DHX57: variants seen among roughly 807,000 people sequenced by gnomAD.
The protein encoded by DHX57 is DExH-box helicase 57, also known as putative ATP-dependent RNA helicase DHX57.
A neutral mutation model predicts 156.2 loss-of-function variants in DHX57; 105 were observed. The observed-to-expected ratio is 0.67, with a 90% CI of 0.57 to 0.79. DHX57 has a LOEUF of 0.79. Ranked by LOEUF, DHX57 falls within the 30% of genes least tolerant of loss-of-function variation. The pLI, the probability that DHX57 is intolerant of heterozygous loss-of-function variation, is 0.00. For synonymous variants in DHX57, 704 were observed against 595.6 expected (o/e 1.18, Z -2.65); for missense variants, 1,847 against 1,661.9 (o/e 1.11, Z -1.94).
rs1484965801 is a variant in DHX57 at position 38,813,900 on chromosome 2, G to A, written c.3607-5C>T. The stretch of plus-strand genomic sequence containing the variant: ...GTTCTCAGCATTTGAGTTTGCCTAT[G>A]AGAAAAGCACAGCATTAATTAACAA... On this transcript the variant is annotated splice_polypyrimidine_tract_variant and splice_region_variant and intron_variant, in intron 20 of 23. Coordinates refer to ENST00000457308, the MANE Select transcript of DHX57 (RefSeq NM_198963.3). The A allele has an allele frequency of 6.2e-7, 1 of 1,612,276 alleles. No homozygotes were observed. The highest frequency in any genetic ancestry group is 8.5e-7 in the Non-Finnish European group (1 of 1,178,866).
intron 12 of DHX57, among the ~76,000 whole-genome samples, chr2:38,842,006 C>A (rs1319666076): frequency 6.6e-6 from 1 of 152,132 alleles, no homozygotes; most frequent in Non-Finnish European, 1.5e-5. Context: ...GACTTATTAA[C>A]TACAAAAGAA....
chr2:38,855,226 T>G lies in DHX57; in HGVS notation c.1736A>C (p.Gln579Pro). The G allele has an allele frequency of 6.2e-7, 1 of 1,614,198 alleles. No homozygotes were observed. The highest frequency in any genetic ancestry group is 8.5e-7 in the Non-Finnish European group (1 of 1,180,026). Reference protein sequence around the residue: ...TGCGKTTQIPQFILDDSLNGP... With the variant: ...TGCGKTTQIPPFILDDSLNGP... ...ATTCAGAGAATCATCCAGAATAAAC[T>G]GCGGAATTTGTGTGGTTTTCCCACA... The change falls in exon 8 of 24, where the codon CAG becomes CCG. Residue 579 changes from glutamine to proline, a missense_variant. Coordinates refer to ENST00000457308, the MANE Select transcript of DHX57 (RefSeq NM_198963.3).
chr2:38,845,218 A>C (rs1358576194), intron 11 of DHX57, among the ~76,000 whole-genome samples: 8 of 151,934 alleles, frequency 5.3e-5, no homozygotes, highest in Non-Finnish European at 8.8e-5. Flanking sequence ...AACAAACAAA[A>C]AAAAACCCAT....
chr2:38,802,224 G>A (rs1363892867), intron 23 of DHX57, among the ~76,000 whole-genome samples: 1 of 151,442 alleles, frequency 6.6e-6, no homozygotes, highest in Non-Finnish European at 1.5e-5. Flanking sequence ...TCTTACTAGG[G>A]CTCCACTCCT....
intron 13 of DHX57, among the ~76,000 whole-genome samples, chr2:38,836,179 T>C (rs1383648035): frequency 1.3e-5 from 2 of 152,174 alleles, no homozygotes; most frequent in African/African-American, 4.8e-5. Flanking sequence ...TGGTACTATA[T>C]AGAAACATTT....
chr2:38,848,908 A>G (rs1672431753), intron 9 of DHX57, among the ~76,000 whole-genome samples: 1 of 152,222 alleles, frequency 6.6e-6, no homozygotes. Context: ...TTTTTGGATT[A>G]GGGATGCTCA....
intron 20 of DHX57, among the ~76,000 whole-genome samples, chr2:38,815,071 CT>C (rs370170763): frequency 0.023 from 3,254 of 144,184 alleles, 87 homozygotes; most frequent in African/African-American, 0.065. Flanking sequence ...TTTTTTTATA[CT>C]TTTTTTTTTT....
chr2:38,799,500 C>G lies in DHX57; in HGVS notation c.4018-1058G>C, dbSNP rs142670563. ...GGCCGGGTGGCTCACGCTTGTAATT[C>G]CAGCACTTTGGGAGACTGAGGTGGG... On this transcript the variant is annotated intron_variant, in intron 23 of 23. Coordinates refer to ENST00000457308, the MANE Select transcript of DHX57 (RefSeq NM_198963.3). 1.2e-4 allele frequency among the ~76,000 whole-genome samples: 17 copies of G among 147,244 alleles called. No individual in the cohort carries two copies. The East Asian group carries it at 3.4e-3, about 30-fold the overall frequency.
rs1469368018 is a variant in DHX57 at position 38,813,892 on chromosome 2, T to C, written c.3610A>G (p.Asn1204Asp). The C allele has an allele frequency of 6.2e-7, 1 of 1,612,986 alleles. No individual in the cohort carries two copies. Among genetic ancestry groups the C allele is most frequent in the Non-Finnish European group, 8.5e-7 (1 of 1,179,312 alleles). The change falls in exon 21 of 24, where the codon AAC becomes GAC. Residue 1204 changes from asparagine to aspartate, a missense_variant. Asn to Asp is a conservative substitution (Grantham distance 23). Transcript: ENST00000457308. ...GVLDATGEEA[N>D]SNAENPKLIS... is the part of the protein sequence containing the mutation. The stretch of plus-strand genomic sequence containing the variant: ...AGCTTGGGGTTCTCAGCATTTGAGT[T>C]TGCCTATGAGAAAAGCACAGCATTA...
chr2:38,845,647 A>T (rs578094544), intron 11 of DHX57, among the ~76,000 whole-genome samples: 9 of 152,304 alleles, frequency 5.9e-5, no homozygotes, highest in African/African-American at 2.2e-4. Context: ...GAGAGTTAAT[A>T]GTGAGAAGAA....
intron 8 of DHX57, chr2:38,854,798 G>A (rs1180774908): frequency 9.4e-6 from 3 of 318,744 alleles, no homozygotes; most frequent in African/African-American, 2.2e-5. Context: ...CCGACCTCAG[G>A]TGATCCACCT....
At chr2:38,811,887 C>G (rs921466581) in intron 21 of DHX57, among the ~76,000 whole-genome samples, 3 of 152,140 alleles carry the variant, frequency 2.0e-5, no homozygotes, top group Admixed American at 2.0e-4. Context: ...TTTGTTTCTA[C>G]ATTTTAAGTC....
rs199521315 is a variant in DHX57 at position 38,868,268 on chromosome 2, T to TCCACCA, written c.132_137dup (p.Gly48_Gly49dup). On this transcript the variant is annotated inframe_insertion, in exon 2 of 24. Coordinates refer to ENST00000457308, the MANE Select transcript of DHX57 (RefSeq NM_198963.3). ...TGGAGGCCTTTCTGTTGCCGCCACC[T>TCCACCA]CCACCACCACCACCACCGCCACCGC... 24 of 1,610,880 alleles carry TCCACCA rather than the reference T, an allele frequency of 1.5e-5. No homozygotes were observed. Among genetic ancestry groups the TCCACCA allele is most frequent in the South Asian group, 3.3e-5 (3 of 90,962 alleles).
chr2:38,850,448 G>C (rs1382554997), intron 9 of DHX57, among the ~76,000 whole-genome samples: 1 of 151,964 alleles, frequency 6.6e-6, no homozygotes, highest in Non-Finnish European at 1.5e-5. Flanking sequence ...TTATAGTAGA[G>C]ATGGTGTCTC....
At chr2:38,842,860 T>G (rs1672080891) in intron 12 of DHX57, 145 bp downstream of exon 12, 2 of 810,554 alleles carry the variant, frequency 2.5e-6, no homozygotes, top group South Asian at 3.8e-5. Flanking sequence ...TCTGAACTAT[T>G]TTTCTAGGTT....
intron 19 of DHX57, among the ~76,000 whole-genome samples, chr2:38,817,940 G>A (rs11888905): frequency 0.015 from 2,296 of 150,056 alleles, 66 homozygotes; most frequent in African/African-American, 0.053. Context: ...TCAAGCAATC[G>A]TCAGCCTCTC....
intron 16 of DHX57, 131 bp from the exon 17 acceptor site, chr2:38,823,400 T>C: frequency 2.1e-6 from 2 of 940,072 alleles, no homozygotes; most frequent in Non-Finnish European, 3.1e-6. Flanking sequence ...TGTTTTCTAC[T>C]TCTACCAATA....
At chr2:38,815,838 G>A (rs939577613) in intron 19 of DHX57, 183 bp from the exon 20 acceptor site, 27 of 684,450 alleles carry the variant, frequency 3.9e-5, no homozygotes, top group Non-Finnish European at 5.5e-5. Context: ...TTTCACTTAC[G>A]CAAACTGGCA....
intron 15 of DHX57, 95 bp downstream of exon 15, chr2:38,826,421 A>G: frequency 1.4e-6 from 2 of 1,392,704 alleles, no homozygotes; most frequent in South Asian, 2.7e-5. Context: ...TCATACAGTA[A>G]TCCGTGTAGC....
Sources: allele counts gnomAD v4.1 joint callset (sites outside exome capture counted in the v4.1 genomes callset), GRCh38; gene constraint gnomAD v4.1.1; transcripts MANE v1.5; gene names NCBI Gene and HGNC (gene_info 2026-07-23, HGNC 2026-07-21).